The following ZNF385D variants were observed in gnomAD, a reference collection of about 807,000 sequenced individuals.
ZNF385D encodes the protein zinc finger protein 385D.
Under a neutral mutation model 35.8 loss-of-function variants are expected in ZNF385D, and 15 were observed. That is an observed-to-expected ratio of 0.42 (90% CI 0.28 to 0.64). The LOEUF (loss-of-function observed/expected upper bound fraction) is 0.64. ZNF385D is among the 30% of genes least tolerant of loss of function. The pLI, the probability that ZNF385D is intolerant of heterozygous loss-of-function variation, is 0.23. For synonymous variants in ZNF385D, 212 were observed against 186.8 expected (o/e 1.13, Z -1.10); for missense variants, 474 against 494.6 (o/e 0.96, Z 0.39).
chr3:21,760,379 T>C (rs2070548776), intron 3 of ZNF385D, among the ~76,000 whole-genome samples: 1 of 152,194 alleles, frequency 6.6e-6, no homozygotes, highest in Admixed American at 6.5e-5. Flanking sequence ...TGCTATATGA[T>C]CAACTGGATT....
intron 2 of ZNF385D, among the ~76,000 whole-genome samples, chr3:22,363,084 G>A (rs965570944): frequency 7.2e-5 from 11 of 152,130 alleles, no homozygotes; most frequent in Non-Finnish European, 1.0e-4. Context: ...GTTCCTCTTC[G>A]GAGAACCCAA....
chr3:21,719,022 A>C (rs1299699469), intron 1 of ZNF385D, among the ~76,000 whole-genome samples: 1 of 152,226 alleles, frequency 6.6e-6, no homozygotes, highest in Non-Finnish European at 1.5e-5. Context: ...ACAGTGCCCA[A>C]GATATGCTAA....
At position 21,854,066 on chromosome 3, in the gene ZNF385D, A is replaced by T. The variant is rs146477754; in HGVS notation, c.326-189038T>A. 9.3e-4 allele frequency among the ~76,000 whole-genome samples: 141 copies of T among 152,050 alleles called. 1 individual carries two copies. The South Asian group carries it at 0.013, about 14-fold the overall frequency. Reference sequence around the variant, plus strand: ...ATTCAGATGCATATTTAAGGTTTGTACATTTTGGAAATTAAACTGCAATAA... The same window carrying T: ...ATTCAGATGCATATTTAAGGTTTGTTCATTTTGGAAATTAAACTGCAATAA... On this transcript the variant is annotated intron_variant, in intron 3 of 5. Coordinates refer to the ZNF385D transcript ENST00000494108.
At chr3:22,270,205 G>C (rs1335066316) in intron 2 of ZNF385D, among the ~76,000 whole-genome samples, 3 of 151,868 alleles carry the variant, frequency 2.0e-5, no homozygotes, top group Non-Finnish European at 4.4e-5. Context: ...CAGCTCAAAT[G>C]GTACACTGTG....
intron 3 of ZNF385D, among the ~76,000 whole-genome samples, chr3:21,761,805 T>C (rs576915039): frequency 6.6e-6 from 1 of 151,530 alleles, no homozygotes; most frequent in South Asian, 2.1e-4. Flanking sequence ...GTGATAAAAA[T>C]TGTATCTCAC....
intron 3 of ZNF385D, among the ~76,000 whole-genome samples, chr3:21,825,099 A>G (rs182871653): frequency 1.1e-4 from 17 of 152,308 alleles, no homozygotes; most frequent in African/African-American, 4.1e-4. Flanking sequence ...GTCACTCACA[A>G]AGAACAATTA....
chr3:21,864,085 C>T (rs1697201649), intron 3 of ZNF385D, among the ~76,000 whole-genome samples: 1 of 151,830 alleles, frequency 6.6e-6, no homozygotes, highest in Non-Finnish European at 1.5e-5. Context: ...GTGCCTCTAC[C>T]GATGAATATA....
At chr3:21,665,157 C>T in intron 1 of ZNF385D, 129 bp from the exon 2 acceptor site, 10 of 1,236,408 alleles carry the variant, frequency 8.1e-6, no homozygotes, top group Non-Finnish European at 1.1e-5. Flanking sequence ...ACTCTATTGA[C>T]CTCAACTGGG....
chr3:22,173,018 G>C (rs1694569645), intron 2 of ZNF385D, among the ~76,000 whole-genome samples: 1 of 152,292 alleles, frequency 6.6e-6, no homozygotes, highest in Admixed American at 6.5e-5. Flanking sequence ...AACAGTGACA[G>C]GTCACATTGA....
At chr3:22,251,404 T>TA (rs1039092426) in intron 2 of ZNF385D, among the ~76,000 whole-genome samples, 1 of 152,186 alleles carries the variant, frequency 6.6e-6, no homozygotes, top group Admixed American at 6.6e-5. Flanking sequence ...TACCATGTAT[T>TA]ACAATGGTTG....
intron 2 of ZNF385D, among the ~76,000 whole-genome samples, chr3:21,584,527 A>G (rs774443318): frequency 4.6e-5 from 7 of 152,156 alleles, no homozygotes; most frequent in African/African-American, 7.2e-5. Flanking sequence ...TATGCTTTCA[A>G]TACTACAAAT....
At chr3:22,178,610 G>C in intron 2 of ZNF385D, among the ~76,000 whole-genome samples, 1 of 152,008 alleles carries the variant, frequency 6.6e-6, no homozygotes, top group Non-Finnish European at 1.5e-5. Context: ...GTCAGTTTTG[G>C]CTTTTGTTGC....
intron 3 of ZNF385D, among the ~76,000 whole-genome samples, chr3:21,872,461 G>A (rs1483203649): frequency 6.6e-6 from 1 of 152,100 alleles, no homozygotes; most frequent in Non-Finnish European, 1.5e-5. Flanking sequence ...AGGCATTTTG[G>A]ATAAGCAAAT....
intron 4 of ZNF385D, among the ~76,000 whole-genome samples, chr3:21,438,730 C>G (rs9831473): frequency 0.09 from 13,746 of 152,086 alleles, 673 homozygotes; most frequent in Non-Finnish European, 0.11. Context: ...CTTTCAGTGT[C>G]ATAAAGAACA....
intron 4 of ZNF385D, among the ~76,000 whole-genome samples, chr3:21,438,000 A>G (rs917205997): frequency 1.3e-4 from 20 of 152,152 alleles, no homozygotes; most frequent in African/African-American, 4.3e-4. Flanking sequence ...TTAAATGATC[A>G]TGAAAATGTT....
At chr3:22,344,177 GGTGTGT>G (rs571896117) in intron 2 of ZNF385D, among the ~76,000 whole-genome samples, 49 of 140,756 alleles carry the variant, frequency 3.5e-4, no homozygotes, top group Non-Finnish European at 5.7e-4. Flanking sequence ...GGTGGGGTGG[GGTGTGT>G]GTGTGTGTGT....
chr3:22,269,151 C>T (rs1448217466), intron 2 of ZNF385D, among the ~76,000 whole-genome samples: 2 of 151,910 alleles, frequency 1.3e-5, no homozygotes, highest in African/African-American at 4.8e-5. Flanking sequence ...TAACATCATT[C>T]TAAATTCCCA....
chr3:22,270,706 CT>C (rs560159159), intron 2 of ZNF385D, among the ~76,000 whole-genome samples: 29 of 151,718 alleles, frequency 1.9e-4, no homozygotes, highest in Admixed American at 1.4e-3. Flanking sequence ...ATGATTTGTG[CT>C]TTTTTTTACT....
chr3:22,114,314 G>A (rs1553610702), intron 3 of ZNF385D, among the ~76,000 whole-genome samples: 2 of 151,992 alleles, frequency 1.3e-5, no homozygotes, highest in Non-Finnish European at 2.9e-5. Flanking sequence ...TATAAAATGT[G>A]ATACGTAGAA....
Sources: allele counts gnomAD v4.1 joint callset (sites outside exome capture counted in the v4.1 genomes callset), GRCh38; gene constraint gnomAD v4.1.1; transcripts MANE v1.5; gene names NCBI Gene and HGNC (gene_info 2026-07-23, HGNC 2026-07-21).